The following TTLL7 variants were observed in gnomAD, a reference collection of about 807,000 sequenced individuals.
TTLL7 encodes tubulin tyrosine ligase like 7.
In TTLL7, 53 loss-of-function variants were observed where a neutral mutation model predicts 120.2. That is an observed-to-expected ratio of 0.44 (90% CI 0.35 to 0.55). The LOEUF (loss-of-function observed/expected upper bound fraction) is 0.55. Among genes scored for constraint, TTLL7 ranks in the 20% least tolerant of loss-of-function variants. TTLL7 has a pLI of 0.00. For missense variants in TTLL7, 803 were observed against 1,054.7 expected (o/e 0.76, Z 3.31); for synonymous variants, 353 against 351.7 (o/e 1.00, Z -0.04).
At chr1:83,917,427 T>C (rs114442355) in intron 14 of TTLL7, among the ~76,000 whole-genome samples, 177 bp downstream of exon 14, 41 of 152,268 alleles carry the variant, frequency 2.7e-4, no homozygotes, top group African/African-American at 8.9e-4. Context: ...ATGAAACTAA[T>C]AAAACAAAAC....
Position 83,870,066 on chromosome 1 carries a change from TC to T in TTLL7, c.2559del (p.Ser854AlafsTer6). The stretch of plus-strand genomic sequence containing the variant: ...GGTGTTCTCAAGAAGAATTGGGTGC[TC>T]CCTGGTAGTAAATACCTAAAAATGA... ...DWGNSRYLLPGSTQFFLRTPT... is the reference protein window; with the variant it reads ...DWGNSRYLLPXSTQFFLRTPT... On this transcript the variant is annotated frameshift_variant, in exon 21 of 21. Transcript: ENST00000260505. LOFTEE classifies it high-confidence loss of function. 1.3e-6 allele frequency: 2 copies of T among 1,560,388 alleles called. No individual in the cohort carries two copies. The highest frequency in any genetic ancestry group is 1.7e-6 in the Non-Finnish European group (2 of 1,162,006).
intron 1 of TTLL7, among the ~76,000 whole-genome samples, chr1:83,973,529 T>C (rs1651186422): frequency 6.6e-6 from 1 of 152,048 alleles, no homozygotes. Flanking sequence ...TTCTTCTCCT[T>C]CGATATTGTG....
intron 14 of TTLL7, among the ~76,000 whole-genome samples, chr1:83,911,667 GATAAAAAT>G (rs1657686149): frequency 6.6e-6 from 1 of 151,960 alleles, no homozygotes; most frequent in Non-Finnish European, 1.5e-5. Context: ...AAATATTTGA[GATAAAAAT>G]ATAAAAATAA....
rs139567532 is a variant in TTLL7, at chr1:83,937,736, C to T, written c.888+116G>A. On this transcript the variant is annotated intron_variant, in intron 8 of 20. Transcript: ENST00000260505. ...TGATCTGATTTTTTTCTCTCTGGTC[C>T]TCTCAATTATAGGGAACCAAGTTCA... is the stretch of plus-strand genomic sequence containing the variant. The T allele has an allele frequency of 2.7e-4, 319 of 1,193,892 alleles. 2 individuals are homozygous for T. In the East Asian group the frequency reaches 6.9e-3, roughly 26 times the overall value. The allele number at this position is 1,193,892 out of a possible 1,614,324, so 74.0% of individuals were successfully genotyped here.
At chr1:83,917,776 G>GAGC (rs1171964577) in intron 13 of TTLL7, 86 bp from the exon 14 acceptor site, 26 of 817,598 alleles carry the variant, frequency 3.2e-5, no homozygotes, top group Admixed American at 9.8e-5. Context: ...AAATAATGCA[G>GAGC]AGCAAGGATT....
chr1:83,952,195 T>C lies in TTLL7; in HGVS notation c.17A>G (p.Gln6Arg), dbSNP rs545345898. The change falls in exon 2 of 21, where the codon CAA becomes CGA. Residue 6 changes from glutamine (Q) to arginine (R), a missense_variant. This residue lies in a region of TTLL7 where 91 missense variants were observed against 96.6 expected (regional missense o/e 0.94). Coordinates refer to ENST00000260505, the MANE Select transcript of TTLL7 (RefSeq NM_024686.6). MPSLP[Q>R]EGVIQGPSPL... ...TAAGTCAATTTCCCTACCTCCTTCT[T>C]GAGGCAGAGATGGCATTATTGCCTG... 3.1e-6 allele frequency: 5 copies of C among 1,613,938 alleles called. No individual in the cohort carries two copies. In the Admixed American group the frequency reaches 6.7e-5, roughly 22 times the overall value.
chr1:83,985,508 C>A (rs774062281), intron 1 of TTLL7, among the ~76,000 whole-genome samples: 37 of 152,112 alleles, frequency 2.4e-4, no homozygotes, highest in African/African-American at 8.5e-4. Flanking sequence ...TAATACTTTA[C>A]CAGCTATCTA....
At chr1:83,931,715 C>T (rs577117040) in intron 9 of TTLL7, among the ~76,000 whole-genome samples, 6 of 152,148 alleles carry the variant, frequency 3.9e-5, no homozygotes, top group Non-Finnish European at 2.9e-5. Context: ...CATACTCCAC[C>T]AAAGTTCCAT....
intron 18 of TTLL7, among the ~76,000 whole-genome samples, chr1:83,900,340 T>C (rs1382285058): frequency 2.6e-5 from 4 of 151,970 alleles, no homozygotes; most frequent in African/African-American, 7.2e-5. Flanking sequence ...CTTGGCTTTT[T>C]AGAGGGATGG....
rs758178107 is a variant in TTLL7 at position 83,947,176 on chromosome 1, G to A, written c.454C>T (p.Arg152Trp). The A allele has an allele frequency of 7.4e-6, 12 of 1,612,884 alleles. No homozygotes were observed. The highest frequency in any genetic ancestry group is 1.1e-5 in the South Asian group (1 of 90,918). Residue 152 changes from arginine to tryptophan, a missense_variant, in exon 6 of 21, where the codon CGG becomes TGG. Arg to Trp is a moderately radical substitution (Grantham distance 101). Around this residue, in one of 3 missense-constraint regions of TTLL7, gnomAD observed 324 missense variants for 507.7 expected, o/e 0.64. Coordinates refer to ENST00000260505, the MANE Select transcript of TTLL7 (RefSeq NM_024686.6). ...TTCACTATAAAAGTTTTCTGCTTCC[G>A]TTTTTTCTTCAATTCTTTCACATAA... ...QNYVKELKKK[R>W]KQKTFIVKPA...
At position 83,892,646 on chromosome 1, in the gene TTLL7, A is replaced by G. The variant is rs530993364; in HGVS notation, c.2209-2165T>C. Among the ~76,000 whole-genome samples the G allele has an allele frequency of 3.5e-5, 4 of 115,674 alleles. No individual in the cohort carries two copies. In the East Asian group the frequency reaches 9.3e-4, roughly 27 times the overall value. The allele number at this position is 115,674 out of a possible 152,430, so 75.9% of individuals were successfully genotyped here. A position where few individuals can be genotyped will look rare whatever the true frequency, so the allele number is the denominator to read the frequency against. ...TATGAACATATGAATGAACATATAT[A>G]TGAACATATGAATGAACATATATAT... On this transcript the variant is annotated intron_variant, in intron 18 of 20. Transcript: ENST00000260505.
chr1:83,889,554 G>T (rs750558029), intron 19 of TTLL7, among the ~76,000 whole-genome samples: 27 of 151,998 alleles, frequency 1.8e-4, no homozygotes, highest in Non-Finnish European at 3.8e-4. Context: ...ATAAAATAGA[G>T]ATAATATAAA....
intron 1 of TTLL7, among the ~76,000 whole-genome samples, chr1:83,998,487 A>G (rs1301168112): frequency 2.0e-5 from 3 of 152,366 alleles, no homozygotes; most frequent in African/African-American, 7.2e-5. Context: ...CAAGGGCCCT[A>G]GACTTCACTC....
chr1:83,874,436 T>G (rs954248030), intron 20 of TTLL7, among the ~76,000 whole-genome samples: 36 of 152,174 alleles, frequency 2.4e-4, no homozygotes, highest in Non-Finnish European at 3.8e-4. Context: ...CTGTGAACAT[T>G]GGTATACAAG....
chr1:83,912,028 C>T (rs930928376), intron 14 of TTLL7, among the ~76,000 whole-genome samples: 1 of 152,118 alleles, frequency 6.6e-6, no homozygotes, highest in African/African-American at 2.4e-5. Context: ...GTTAACTGTC[C>T]ATTTTCCAAA....
chr1:83,994,713 C>T (rs888295027), intron 1 of TTLL7, among the ~76,000 whole-genome samples: 1 of 152,184 alleles, frequency 6.6e-6, no homozygotes, highest in Non-Finnish European at 1.5e-5. Context: ...CCCTCCCTTA[C>T]ACCTTATACC....
intron 7 of TTLL7, among the ~76,000 whole-genome samples, chr1:83,939,027 T>C (rs1483787099): frequency 6.6e-6 from 1 of 152,202 alleles, no homozygotes; most frequent in Non-Finnish European, 1.5e-5. Flanking sequence ...TATTAATCCA[T>C]GTGCCTACCA....
chr1:83,952,260 T>TTAC lies in TTLL7; in HGVS notation c.-50_-49insGTA, dbSNP rs1224444142. ...CAGTGTGTGCTGCTGTACCAAGCTC[T>TTAC]CAGGAAATCTGGAAATTCCACATTA... On this transcript the variant is annotated 5_prime_UTR_variant, in exon 2 of 21. It removes the in-frame stop codon of an upstream open reading frame in the 5' UTR. Transcript: ENST00000260505. The TTAC allele has an allele frequency of 1.1e-5, 17 of 1,609,118 alleles. No homozygotes were observed. Among genetic ancestry groups the TTAC allele is most frequent in the Non-Finnish European group, 1.4e-5 (16 of 1,177,302 alleles).
intron 1 of TTLL7, among the ~76,000 whole-genome samples, chr1:83,969,772 T>C (rs1650809278): frequency 2.0e-5 from 3 of 151,972 alleles, no homozygotes; most frequent in Admixed American, 6.6e-5. Flanking sequence ...TAAATTATGA[T>C]ATAGCCAAAC....
Sources: gnomAD v4.1 joint callset for allele counts (sites outside exome capture counted in the v4.1 genomes callset) on GRCh38, gnomAD v4.1.1 for gene constraint, gnomAD v4.1.1 regional missense constraint, MANE v1.5 for transcripts, NCBI Gene and HGNC (gene_info 2026-07-23, HGNC 2026-07-21) for gene names.